The following GCG variants were observed in gnomAD, a reference collection of about 807,000 sequenced individuals.
GCG encodes glucagon.
In GCG, 11 loss-of-function variants were observed where a neutral mutation model predicts 22.8. The observed-to-expected ratio is 0.48, with a 90% CI of 0.30 to 0.80. The LOEUF (loss-of-function observed/expected upper bound fraction) is 0.80, where lower values mean the gene tolerates loss of function less well. Among genes scored for constraint, GCG ranks in the 30% least tolerant of loss-of-function variants. The pLI is 0.06. For missense variants in GCG, 222 were observed against 222.0 expected, an observed-to-expected ratio of 1.00 and a Z score of 0.00; for synonymous variants, 89 against 72.4, an observed-to-expected ratio of 1.23 and a Z score of -1.16.
chr2:162,144,314 G>A, intron 4 of GCG, 144 bp from the exon 5 acceptor site: 1 of 653,818 alleles, frequency 1.5e-6, no homozygotes, highest in Non-Finnish European at 2.7e-6. Flanking sequence ...TGAAATACCT[G>A]ATAAAAACCC....
intron 4 of GCG, chr2:162,144,435 T>C: frequency 5.0e-6 from 2 of 398,864 alleles, no homozygotes. Context: ...AAGATTTTAG[T>C]ATATTGACAA....
Position 162,149,219 on chromosome 2 carries a change from G to T in GCG, c.-9-32C>A, listed in dbSNP as rs375610192. The stretch of plus-strand genomic sequence containing the variant: ...GAACACAGAATGGGGGTAGGGTGAG[G>T]GGGGCAGGCAAGGATTTTTAAACAT... On this transcript the variant is annotated intron_variant, in intron 1 of 5. Coordinates refer to ENST00000418842, the MANE Select transcript of GCG (RefSeq NM_002054.5). The T allele has an allele frequency of 1.2e-5, 15 of 1,253,576 alleles. No homozygotes were observed. The East Asian group carries it at 2.8e-4, about 23-fold the overall frequency. The allele number at this position is 1,253,576 out of a possible 1,614,324, so 77.7% of individuals were successfully genotyped here.
chr2:162,149,292 A>G (rs1000516016), intron 1 of GCG, 105 bp from the exon 2 acceptor site: 3 of 662,218 alleles, frequency 4.5e-6, no homozygotes, highest in Non-Finnish European at 5.4e-6. Flanking sequence ...CATAAGTAGA[A>G]GGAAAAAGCT....
At chr2:162,145,169 A>C (rs1686650584) in intron 4 of GCG, 1 of 161,250 alleles carries the variant, frequency 6.2e-6, no homozygotes, top group African/African-American at 2.4e-5. Flanking sequence ...TGAAGTTTTC[A>C]GCACTGTTTC....
intron 5 of GCG, 23 bp downstream of exon 5, chr2:162,144,004 A>C: frequency 6.2e-7 from 1 of 1,607,462 alleles, no homozygotes; most frequent in Non-Finnish European, 8.5e-7. Context: ...GATGGTTTTC[A>C]GAATTAACTA....
chr2:162,148,638 T>C (rs1686755769), intron 2 of GCG, among the ~76,000 whole-genome samples: 1 of 152,144 alleles, frequency 6.6e-6, no homozygotes, highest in African/African-American at 2.4e-5. Flanking sequence ...ATAGCTTTCT[T>C]TGGACAGAGG....
chr2:162,143,944 A>T (rs1350557188), intron 5 of GCG, 83 bp downstream of exon 5: 1 of 1,137,790 alleles, frequency 8.8e-7, no homozygotes, highest in Non-Finnish European at 1.3e-6. Flanking sequence ...CTTTCCCCCT[A>T]CATGGGGAAC....
chr2:162,144,163 C>G lies in GCG; in HGVS notation c.400G>C (p.Glu134Gln). Residue 134 changes from glutamate to glutamine, a missense_variant, in exon 5 of 6, where the codon GAA (glutamate) becomes CAA (glutamine). Transcript: ENST00000418842. ...AGTTCTTCAACAATGGCGACCTCTT[C>G]TGGGAAACTAAGAAAATAAGTGTTA... ...VKGRGRRDFP[E>Q]EVAIVEELGR... is the part of the protein sequence containing the mutation. 1.2e-6 allele frequency: 2 copies of G among 1,610,172 alleles called. No individual in the cohort carries two copies. The highest frequency in any genetic ancestry group is 1.7e-6 in the Non-Finnish European group (2 of 1,176,750).
chr2:162,146,817 C>A (rs976042429), intron 3 of GCG, among the ~76,000 whole-genome samples: 3 of 152,064 alleles, frequency 2.0e-5, no homozygotes, highest in Admixed American at 2.0e-4. Context: ...AAAATGTATG[C>A]CTTACGATAG....
Position 162,152,157 on chromosome 2 carries a change from C to T in GCG, c.-10+1G>A, listed in dbSNP as rs906532024. The T allele has an allele frequency of 6.6e-6, 1 of 152,544 alleles. No individual in the cohort carries two copies. The highest frequency in any genetic ancestry group is 2.4e-5 in the African/African-American group (1 of 41,424). The allele number at this position is 152,544 out of a possible 1,614,324, so 9.4% of individuals were successfully genotyped here. ...GATTTACAATTTTATAATCATCTTACCTTCTGGTAGTGTGCTGTAGAACAG... is the reference window on the plus strand; with the variant it reads ...GATTTACAATTTTATAATCATCTTATCTTCTGGTAGTGTGCTGTAGAACAG... On this transcript the variant is annotated splice_donor_variant, in intron 1 of 5. Transcript: ENST00000418842. LOFTEE classifies it low-confidence loss of function (5UTR_SPLICE).
At chr2:162,144,221 T>C in intron 4 of GCG, 51 bp from the exon 5 acceptor site, 1 of 1,385,436 alleles carries the variant, frequency 7.2e-7, no homozygotes. Context: ...TTTCAATAAA[T>C]GATCACAGAT....
chr2:162,143,130 A>T lies in GCG; in HGVS notation c.*234T>A. On this transcript the variant is annotated 3_prime_UTR_variant, in exon 6 of 6. Transcript: ENST00000418842. ...GGTACTTCATCCAAAATAAGAAGAA[A>T]ATAACAGAATCTAGCACTTTCATAT... 1 of 379,404 alleles carries T rather than the reference A, an allele frequency of 2.6e-6. No homozygotes were observed. Among genetic ancestry groups the T allele is most frequent in the Non-Finnish European group, 4.8e-6 (1 of 206,200 alleles). The allele number at this position is 379,404 out of a possible 1,614,324, so 23.5% of individuals were successfully genotyped here. A position where few individuals can be genotyped will look rare whatever the true frequency, so the allele number is the denominator to read the frequency against.
Position 162,147,354 on chromosome 2 carries a change from T to C in GCG, c.253A>G (p.Arg85Gly), listed in dbSNP as rs1320620040. 6.2e-7 allele frequency: 1 copy of C among 1,611,596 alleles called. No individual in the cohort carries two copies. ...TTTGAGCCAGGCTTAGACTCTTACC[T>C]GTTCCTCTTGGTATTCATCAACCAC... is the stretch of plus-strand genomic sequence containing the variant. ...VQWLMNTKRN[R>G]NNIAKRHDEF... The change falls in exon 3 of 6, where the codon AGG (arginine) becomes GGG (glycine). Residue 85 changes from arginine to glycine, a missense_variant and splice_region_variant. Coordinates refer to ENST00000418842, the MANE Select transcript of GCG (RefSeq NM_002054.5).
chr2:162,144,074 G>A lies in GCG; in HGVS notation c.489C>T (p.Ala163=), dbSNP rs184086717. ...TCAACCAGTTTATAAAGTCCCTGGC[G>A]GCAAGATTATCAAGAATGGTGTTCA... ...DEMNTILDNL[A]ARDFINWLIQ... Residue 163 remains alanine, a synonymous_variant, in exon 5 of 6, where the codon GCC becomes GCT. Transcript: ENST00000418842. 26 of 1,612,672 alleles carry A rather than the reference G, an allele frequency of 1.6e-5. No homozygotes were observed. The highest frequency in any genetic ancestry group is 4.4e-5 in the South Asian group (4 of 91,062).
intron 1 of GCG, among the ~76,000 whole-genome samples, chr2:162,150,702 T>A (rs2106198545): frequency 6.6e-6 from 1 of 152,242 alleles, no homozygotes; most frequent in African/African-American, 2.4e-5. Flanking sequence ...GCACTTCTTT[T>A]AAAAATTATA....
intron 1 of GCG, among the ~76,000 whole-genome samples, chr2:162,150,444 C>A (rs1455684974): frequency 6.6e-6 from 1 of 152,002 alleles, no homozygotes; most frequent in East Asian, 1.9e-4. Flanking sequence ...GCAGCAGTAA[C>A]TTTTTTCTTT....
rs1250275442 is a variant in GCG, at chr2:162,143,088, A to G, written c.*276T>C. On this transcript the variant is annotated 3_prime_UTR_variant, in exon 6 of 6. Coordinates refer to ENST00000418842, the MANE Select transcript of GCG (RefSeq NM_002054.5). ...ATCATAGAAAAATAATTTTATCGCT[A>G]AATGTAAACAGGTTGGGGTACTTCA... The G allele has an allele frequency of 6.4e-6, 2 of 311,610 alleles. No homozygotes were observed. The highest frequency in any genetic ancestry group is 2.2e-5 in the African/African-American group (1 of 46,380). The allele number at this position is 311,610 out of a possible 1,614,324, so 19.3% of individuals were successfully genotyped here.
chr2:162,146,407 A>G (rs1686684597), intron 3 of GCG, among the ~76,000 whole-genome samples: 1 of 151,948 alleles, frequency 6.6e-6, no homozygotes, highest in Non-Finnish European at 1.5e-5. Flanking sequence ...CTCACCTTTC[A>G]CTGTAGTCCT....
intron 1 of GCG, among the ~76,000 whole-genome samples, chr2:162,149,563 C>T (rs751901269): frequency 1.3e-5 from 2 of 152,074 alleles, no homozygotes; most frequent in Non-Finnish European, 2.9e-5. Context: ...GGCACCTTAT[C>T]CATCATGCCA....
Sources: allele counts gnomAD v4.1 joint callset (sites outside exome capture counted in the v4.1 genomes callset), GRCh38; gene constraint gnomAD v4.1.1; transcripts MANE v1.5; gene names NCBI Gene and HGNC (gene_info 2026-07-23, HGNC 2026-07-21).